LINGO2: variants seen among roughly 807,000 people sequenced by gnomAD.
LINGO2 encodes the protein leucine rich repeat and Ig domain containing 2, also known as leucine-rich repeat and immunoglobulin-like domain-containing nogo receptor-interacting protein 2.
LINGO2 carries 14 observed loss-of-function variants against 30.6 expected under a neutral mutation model. The ratio of observed to expected loss-of-function variants is 0.46; its 90% confidence interval spans 0.30 to 0.72. The LOEUF (loss-of-function observed/expected upper bound fraction) is 0.72, where lower values mean the gene tolerates loss of function less well. Among genes scored for constraint, LINGO2 ranks in the 30% least tolerant of loss-of-function variants. The pLI, the probability that LINGO2 is intolerant of heterozygous loss-of-function variation, is 0.07. For missense variants in LINGO2, 729 were observed against 751.7 expected (o/e 0.97, Z 0.35); for synonymous variants, 317 against 288.5 (o/e 1.10, Z -1.00).
intron 4 of LINGO2, among the ~76,000 whole-genome samples, chr9:28,229,825 A>G (rs867693632): frequency 1.3e-5 from 2 of 151,860 alleles, no homozygotes; most frequent in African/African-American, 4.8e-5. Context: ...CCTCCTAATA[A>G]ATAATTCACC....
At chr9:28,626,060 C>T (rs1294308412) in intron 1 of LINGO2, among the ~76,000 whole-genome samples, 2 of 151,998 alleles carry the variant, frequency 1.3e-5, no homozygotes, top group African/African-American at 2.4e-5. Flanking sequence ...TTGAGAATTC[C>T]GCTTGCTTCA....
chr9:29,163,211 T>G, the LINGO2 span, among the ~76,000 whole-genome samples: 1 of 152,166 alleles, frequency 6.6e-6, no homozygotes, highest in African/African-American at 2.4e-5. Flanking sequence ...AGGATGTAGC[T>G]CAGATCAAAA....
chr9:28,974,007 T>A, the LINGO2 span, among the ~76,000 whole-genome samples: 1 of 152,188 alleles, frequency 6.6e-6, no homozygotes, highest in African/African-American at 2.4e-5. Context: ...ATTATAACAC[T>A]GTAACTGTGG....
chr9:28,320,687 G>A (rs117873083), intron 3 of LINGO2, among the ~76,000 whole-genome samples: 4,715 of 152,206 alleles, frequency 0.031, 142 homozygotes, highest in South Asian at 0.094. Context: ...GAGCCAGATC[G>A]CTCTCTATGA....
chr9:28,512,304 A>C (rs926528110), intron 1 of LINGO2, among the ~76,000 whole-genome samples: 5 of 151,934 alleles, frequency 3.3e-5, no homozygotes, highest in Non-Finnish European at 1.5e-5. Context: ...GACTCTCAAA[A>C]GGAGAGTAGT....
chr9:28,159,660 A>T (rs2133592033), intron 4 of LINGO2, among the ~76,000 whole-genome samples: 1 of 152,298 alleles, frequency 6.6e-6, no homozygotes, highest in Admixed American at 6.5e-5. Flanking sequence ...AGACTAGTGT[A>T]GAAATCCAAA....
chr9:29,047,952 A>C, the LINGO2 span, among the ~76,000 whole-genome samples: 3 of 151,898 alleles, frequency 2.0e-5, no homozygotes, highest in African/African-American at 7.3e-5. Context: ...AACAACAACA[A>C]CAACAAAAAT....
the LINGO2 span, among the ~76,000 whole-genome samples, chr9:28,690,080 G>C: frequency 1.3e-5 from 2 of 152,098 alleles, no homozygotes; most frequent in African/African-American, 2.4e-5. Flanking sequence ...GGAGGGTGCG[G>C]GGTGGGAGGA....
chr9:28,693,150 C>T, the LINGO2 span, among the ~76,000 whole-genome samples: 1 of 152,026 alleles, frequency 6.6e-6, no homozygotes, highest in Non-Finnish European at 1.5e-5. Context: ...TTAGTCATAG[C>T]CACATAATCC....
At chr9:28,748,254 T>G in the LINGO2 span, among the ~76,000 whole-genome samples, 1 of 152,052 alleles carries the variant, frequency 6.6e-6, no homozygotes, top group Admixed American at 6.5e-5. Flanking sequence ...TGTATTCAAC[T>G]TTCCTTGAAG....
intron 2 of LINGO2, among the ~76,000 whole-genome samples, chr9:28,412,188 A>G (rs1171989187): frequency 1.3e-3 from 100 of 74,782 alleles, no homozygotes; most frequent in African/African-American, 4.7e-3. Context: ...TGTAAGTGAA[A>G]AAAAAAAAAA....
At chr9:28,831,149 A>C in the LINGO2 span, among the ~76,000 whole-genome samples, 1 of 152,234 alleles carries the variant, frequency 6.6e-6, no homozygotes, top group South Asian at 2.1e-4. Context: ...TGAACTGACG[A>C]TGCTTAGTGA....
the LINGO2 span, among the ~76,000 whole-genome samples, chr9:28,692,149 T>C: frequency 6.6e-6 from 1 of 152,176 alleles, no homozygotes; most frequent in Non-Finnish European, 1.5e-5. Flanking sequence ...CTAGGTACTC[T>C]CTTGCCTTTA....
rs1820028227 is a variant in LINGO2, at chr9:28,196,770, AATGTT to A, written c.-87+98433_-87+98437del. ...ATCTAAAGGTTACCTGGAACTGGAC[AATGTT>A]ATGTTAAACAAAATAAGTCAGGTAT... is the stretch of plus-strand genomic sequence containing the variant. On this transcript the variant is annotated intron_variant, in intron 4 of 5. Coordinates refer to ENST00000379992, the Ensembl canonical transcript of LINGO2. 3.9e-5 allele frequency among the ~76,000 whole-genome samples: 6 copies of A among 152,090 alleles called. No individual in the cohort carries two copies. The South Asian group carries it at 1.2e-3, about 32-fold the overall frequency.
chr9:28,148,300 C>A lies in LINGO2; in HGVS notation c.-86-135895G>T. The A allele has an allele frequency of 1.2e-6, 1 of 819,784 alleles. No individual in the cohort carries two copies. The highest frequency in any genetic ancestry group is 2.7e-5 in the East Asian group (1 of 37,366). The allele number at this position is 819,784 out of a possible 1,614,324, so 50.8% of individuals were successfully genotyped here. On this transcript the variant is annotated intron_variant, in intron 4 of 5. Transcript: ENST00000379992. The surrounding 1 kb of genome is among the most constrained non-coding windows in gnomAD (Gnocchi z 5.1). ...GGAGCCCCGCCTCAAGGAAGAAACC[C>A]ATGCTGTCTGCTCACAACTCCAGGA...
At chr9:28,996,126 A>T in the LINGO2 span, among the ~76,000 whole-genome samples, 2 of 152,092 alleles carry the variant, frequency 1.3e-5, no homozygotes, top group African/African-American at 4.8e-5. Context: ...TTTAAAAAAA[A>T]AAAAAAAGGA....
chr9:28,174,773 C>T (rs748404391), intron 4 of LINGO2, among the ~76,000 whole-genome samples: 3 of 152,140 alleles, frequency 2.0e-5, no homozygotes, highest in Admixed American at 6.5e-5. Context: ...TATTATACAT[C>T]GAATCCAGTG....
intron 2 of LINGO2, among the ~76,000 whole-genome samples, chr9:28,446,363 T>A (rs977080696): frequency 1.3e-5 from 2 of 152,244 alleles, no homozygotes; most frequent in Admixed American, 1.3e-4. Context: ...AATACTGGAA[T>A]GCTTGGCCAT....
chr9:28,694,714 TC>T, the LINGO2 span, among the ~76,000 whole-genome samples: 2 of 151,968 alleles, frequency 1.3e-5, no homozygotes, highest in African/African-American at 4.8e-5. Context: ...ACTGAGGCAG[TC>T]CAGCTGTAAA....
Sources: gnomAD v4.1 joint callset for allele counts (sites outside exome capture counted in the v4.1 genomes callset) on GRCh38, gnomAD v4.1.1 for gene constraint, Gnocchi (gnomAD v3.1) non-coding constraint, MANE v1.5 for transcripts, NCBI Gene and HGNC (gene_info 2026-07-23, HGNC 2026-07-21) for gene names.